PARN: variants seen among roughly 807,000 people sequenced by gnomAD.
PARN encodes the protein poly(A)-specific ribonuclease.
PARN carries 71 observed loss-of-function variants against 102.8 expected under a neutral mutation model. The ratio of observed to expected loss-of-function variants is 0.69; its 90% CI spans 0.57 to 0.84. The LOEUF (loss-of-function observed/expected upper bound fraction) is 0.84, where lower values mean the gene tolerates loss of function less well. PARN is among the 40% of genes least tolerant of loss of function. The pLI is 0.00. For synonymous variants in PARN, 261 were observed against 252.9 expected (o/e 1.03, Z -0.30); for missense variants, 782 against 760.9 (o/e 1.03, Z -0.33).
At chr16:14,550,947 C>T (rs548404740) in intron 21 of PARN, among the ~76,000 whole-genome samples, 49 of 151,928 alleles carry the variant, frequency 3.2e-4, no homozygotes, top group African/African-American at 1.1e-3. Flanking sequence ...ACGGGGTGCT[C>T]CATCTTTTTA....
intron 22 of PARN, among the ~76,000 whole-genome samples, chr16:14,470,044 GATA>G (rs1962623068): frequency 1.3e-5 from 2 of 152,140 alleles, no homozygotes; most frequent in South Asian, 2.1e-4. Flanking sequence ...AAACATAGAT[GATA>G]ATGAGACTTT....
intron 22 of PARN, among the ~76,000 whole-genome samples, chr16:14,453,302 G>A (rs1291373024): frequency 6.6e-6 from 1 of 152,136 alleles, no homozygotes; most frequent in Non-Finnish European, 1.5e-5. Context: ...TTCCACAAGG[G>A]TGAACATCTC....
intron 18 of PARN, among the ~76,000 whole-genome samples, chr16:14,568,205 T>A (rs545922675): frequency 6.6e-6 from 1 of 150,842 alleles, no homozygotes; most frequent in African/African-American, 2.4e-5. Flanking sequence ...TTATTTTTTT[T>A]ATTTTTACCT....
chr16:14,603,612 T>A (rs559174614), intron 11 of PARN, among the ~76,000 whole-genome samples: 1 of 152,176 alleles, frequency 6.6e-6, no homozygotes, highest in African/African-American at 2.4e-5. Context: ...CCAGATTCCA[T>A]CTACACTGCT....
intron 22 of PARN, among the ~76,000 whole-genome samples, chr16:14,455,839 C>G (rs1961656188): frequency 6.6e-6 from 1 of 152,226 alleles, no homozygotes; most frequent in Non-Finnish European, 1.5e-5. Flanking sequence ...ACCTTAATCT[C>G]TGACTCCATG....
chr16:14,506,289 C>A (rs1409677403), intron 21 of PARN, among the ~76,000 whole-genome samples: 1 of 152,088 alleles, frequency 6.6e-6, no homozygotes, highest in Non-Finnish European at 1.5e-5. Flanking sequence ...GACTAAAGAG[C>A]CATGATGACT....
chr16:14,606,269 C>T (rs1006068095), intron 10 of PARN, among the ~76,000 whole-genome samples: 33 of 151,916 alleles, frequency 2.2e-4, no homozygotes, highest in Non-Finnish European at 8.8e-5. Context: ...AGCATGGTGG[C>T]ACGAGCCTGT....
intron 21 of PARN, among the ~76,000 whole-genome samples, chr16:14,505,992 T>C (rs1276926048): frequency 6.6e-6 from 1 of 152,212 alleles, no homozygotes; most frequent in African/African-American, 2.4e-5. Context: ...AAGGCTACAA[T>C]GGAAAAATCT....
Position 14,566,905 on chromosome 16 carries a change from G to A in PARN, c.1263-11196C>T, listed in dbSNP as rs1968471621. 3.3e-5 allele frequency among the ~76,000 whole-genome samples: 5 copies of A among 152,300 alleles called. No homozygotes were observed. The South Asian group carries it at 8.3e-4, about 25-fold the overall frequency. ...GTTTTTTGATGCTGCCACAGAAGTGGCAATCAAGATCACAAGGCAGAAATT... is the reference window on the plus strand; with the variant it reads ...GTTTTTTGATGCTGCCACAGAAGTGACAATCAAGATCACAAGGCAGAAATT... On this transcript the variant is annotated intron_variant, in intron 18 of 23. Transcript: ENST00000437198.
At chr16:14,545,603 A>G (rs1320782624) in intron 21 of PARN, among the ~76,000 whole-genome samples, 1 of 152,240 alleles carries the variant, frequency 6.6e-6, no homozygotes, top group East Asian at 1.9e-4. Context: ...GCAGAGTCTT[A>G]GCTATGTACA....
intron 21 of PARN, among the ~76,000 whole-genome samples, chr16:14,494,937 A>C (rs1249159510): frequency 2.6e-5 from 4 of 152,134 alleles, no homozygotes; most frequent in African/African-American, 9.7e-5. Context: ...AGTACCTGGG[A>C]AACATCGGTG....
At chr16:14,516,701 C>G (rs1168727150) in intron 21 of PARN, among the ~76,000 whole-genome samples, 1 of 152,158 alleles carries the variant, frequency 6.6e-6, no homozygotes, top group Non-Finnish European at 1.5e-5. Context: ...AGCACTTTTC[C>G]CATGACTCTT....
intron 21 of PARN, among the ~76,000 whole-genome samples, chr16:14,537,407 A>G (rs962059813): frequency 6.6e-6 from 1 of 152,212 alleles, no homozygotes; most frequent in Admixed American, 6.5e-5. Context: ...TAGAAACAGA[A>G]CTACCATACA....
At chr16:14,536,819 A>AT (rs1567359719) in intron 21 of PARN, among the ~76,000 whole-genome samples, 2 of 152,218 alleles carry the variant, frequency 1.3e-5, no homozygotes, top group Non-Finnish European at 2.9e-5. Context: ...AATGTTAAAC[A>AT]TAAGACTCAA....
intron 22 of PARN, among the ~76,000 whole-genome samples, chr16:14,455,472 C>A (rs779028755): frequency 6.6e-6 from 1 of 152,138 alleles, no homozygotes; most frequent in African/African-American, 2.4e-5. Flanking sequence ...CCGTAGCCTA[C>A]ATTAAATATT....
At chr16:14,564,551 C>T (rs1256828215) in intron 18 of PARN, among the ~76,000 whole-genome samples, 2 of 152,194 alleles carry the variant, frequency 1.3e-5, no homozygotes, top group Non-Finnish European at 2.9e-5. Context: ...ATCAGGAAAA[C>T]GAGTGAATCA....
intron 22 of PARN, among the ~76,000 whole-genome samples, chr16:14,468,970 CAAAG>C (rs1247453690): frequency 6.6e-6 from 1 of 151,076 alleles, no homozygotes; most frequent in African/African-American, 2.4e-5. Flanking sequence ...AACAAACAAA[CAAAG>C]AAATAAAAAA....
chr16:14,498,574 G>C (rs1369729532), intron 21 of PARN, among the ~76,000 whole-genome samples: 1 of 151,980 alleles, frequency 6.6e-6, no homozygotes, highest in Non-Finnish European at 1.5e-5. Flanking sequence ...TACACGATCT[G>C]TCACCACCAA....
At chr16:14,528,680 C>G (rs1966146279) in intron 21 of PARN, among the ~76,000 whole-genome samples, 1 of 152,110 alleles carries the variant, frequency 6.6e-6, no homozygotes, top group Non-Finnish European at 1.5e-5. Flanking sequence ...GAGAACTTTA[C>G]CTTCATAACC....
Sources: gnomAD v4.1 joint callset for allele counts (sites outside exome capture counted in the v4.1 genomes callset) on GRCh38, gnomAD v4.1.1 for gene constraint, MANE v1.5 for transcripts, NCBI Gene and HGNC (gene_info 2026-07-23, HGNC 2026-07-21) for gene names.